HOOK1: variants seen among roughly 807,000 people sequenced by gnomAD.
HOOK1 encodes hook microtubule tethering protein 1.
In HOOK1, 60 loss-of-function variants were observed where a neutral mutation model predicts 112.8. The ratio of observed to expected loss-of-function variants is 0.53; its 90% CI spans 0.43 to 0.66. HOOK1 has a LOEUF of 0.66. Ranked by LOEUF, HOOK1 falls within the 30% of genes least tolerant of loss-of-function variation. The pLI is 0.00. For missense variants in HOOK1, 770 were observed against 856.0 expected, an observed-to-expected ratio of 0.90 and a Z score of 1.25; for synonymous variants, 294 against 283.8, an observed-to-expected ratio of 1.04 and a Z score of -0.36.
intron 18 of HOOK1, among the ~76,000 whole-genome samples, chr1:59,865,661 G>A (rs1574225017): frequency 1.3e-5 from 2 of 151,978 alleles, no homozygotes; most frequent in East Asian, 3.9e-4. Flanking sequence ...ATATTTTTAA[G>A]GGTCAAATAA....
intron 12 of HOOK1, 115 bp downstream of exon 12, chr1:59,849,298 A>T (rs1204553100): frequency 3.6e-6 from 2 of 548,710 alleles, no homozygotes; most frequent in Non-Finnish European, 6.1e-6. Flanking sequence ...TCCAGATTGA[A>T]TTTTTTGACA....
chr1:59,831,547 T>A (rs1310958373), intron 3 of HOOK1, among the ~76,000 whole-genome samples: 1 of 152,180 alleles, frequency 6.6e-6, no homozygotes, highest in Non-Finnish European at 1.5e-5. Flanking sequence ...TACACAAATC[T>A]CCAGAGCTTG....
At chr1:59,857,208 C>T (rs2098411186) in intron 12 of HOOK1, among the ~76,000 whole-genome samples, 2 of 152,192 alleles carry the variant, frequency 1.3e-5, no homozygotes, top group South Asian at 4.1e-4. Flanking sequence ...TGACAATTCT[C>T]TGTGGATGGG....
At chr1:59,866,233 A>G (rs1362532971) in intron 19 of HOOK1, among the ~76,000 whole-genome samples, 1 of 152,204 alleles carries the variant, frequency 6.6e-6, no homozygotes, top group African/African-American at 2.4e-5. Flanking sequence ...AGTGATGGCT[A>G]TAATGTATGG....
chr1:59,868,098 C>A, intron 19 of HOOK1, 152 bp from the exon 20 acceptor site: 1 of 541,286 alleles, frequency 1.8e-6, no homozygotes, highest in South Asian at 2.6e-5. Context: ...TTTTTGTTAT[C>A]CCAATTAGGA....
At chr1:59,861,453 T>C (rs1312416073) in intron 15 of HOOK1, among the ~76,000 whole-genome samples, 1 of 152,214 alleles carries the variant, frequency 6.6e-6, no homozygotes, top group South Asian at 2.1e-4. Flanking sequence ...CTGCAGATAA[T>C]GAGCTTAAAG....
At chr1:59,850,209 T>C (rs75658792) in intron 12 of HOOK1, among the ~76,000 whole-genome samples, 2,512 of 151,686 alleles carry the variant, frequency 0.017, 82 homozygotes, top group African/African-American at 0.058. Context: ...AATGTTTTAC[T>C]TAGGTTATAT....
chr1:59,843,380 A>ATTTTTT, intron 8 of HOOK1, 52 bp from the exon 9 acceptor site: 1 of 1,366,390 alleles, frequency 7.3e-7, no homozygotes. Context: ...AAGAATTTTT[A>ATTTTTT]TTTTTTTGTT....
rs1644098787 is a variant in HOOK1 at position 59,874,166 on chromosome 1, C to G, written c.*1201C>G. On this transcript the variant is annotated 3_prime_UTR_variant, in exon 22 of 22. Coordinates refer to ENST00000371208, the MANE Select transcript of HOOK1 (RefSeq NM_015888.6). ...TATAAACTCAGTCTCTTGGTTGCAC[C>G]AGCCACATTTCAGATGCTCAATAGC... 1 of 152,004 alleles carries G rather than the reference C, an allele frequency of 6.6e-6. No individual in the cohort carries two copies. The highest frequency in any genetic ancestry group is 1.5e-5 in the Non-Finnish European group (1 of 67,986). 9.4% of individuals were successfully genotyped at this position (152,004 alleles called of 1,614,324 possible).
intron 2 of HOOK1, among the ~76,000 whole-genome samples, chr1:59,823,569 T>G (rs3767999): frequency 0.056 from 8,548 of 152,280 alleles, 243 homozygotes; most frequent in African/African-American, 0.074. Context: ...TTCACTCATT[T>G]CAACAGTCCC....
Position 59,836,880 on chromosome 1 carries a change from G to A in HOOK1, c.482G>A (p.Ser161Asn). ...VVMTAIQELM[S>N]KEILSSPPND... ...ATTATTTTAATTTCCTAGTTGATGA[G>A]TAAAGAAATATTGAGCTCTCCTCCA... The change falls in exon 7 of 22, where the codon AGT (serine) becomes AAT (asparagine). Residue 161 changes from serine to asparagine, a missense_variant. Transcript: ENST00000371208. 1 of 1,568,258 alleles carries A rather than the reference G, an allele frequency of 6.4e-7. No individual in the cohort carries two copies. The highest frequency in any genetic ancestry group is 1.1e-5 in the South Asian group (1 of 87,490).
At chr1:59,833,650 G>T in intron 5 of HOOK1, 113 bp downstream of exon 5, 1 of 863,780 alleles carries the variant, frequency 1.2e-6, no homozygotes, top group South Asian at 3.8e-5. Context: ...ACCCTGAAAC[G>T]TAAACCAGAA....
intron 9 of HOOK1, among the ~76,000 whole-genome samples, chr1:59,844,135 A>T (rs2098402419): frequency 6.6e-6 from 1 of 151,964 alleles, no homozygotes; most frequent in South Asian, 2.1e-4. Context: ...TTTTGATATA[A>T]CTTCAAACTC....
chr1:59,865,992 G>C lies in HOOK1; in HGVS notation c.1845+20G>C. 2 of 1,357,872 alleles carry C rather than the reference G, an allele frequency of 1.5e-6. No homozygotes were observed. The highest frequency in any genetic ancestry group is 2.1e-6 in the Non-Finnish European group (2 of 958,140). The allele number at this position is 1,357,872 out of a possible 1,614,324, so 84.1% of individuals were successfully genotyped here. ...AGAAATGTGAGTGACTTATCTTTCG[G>C]AGCTCAAGACTTTGTGGCCTGTGTT... On this transcript the variant is annotated intron_variant, in intron 19 of 21. Coordinates refer to ENST00000371208, the MANE Select transcript of HOOK1 (RefSeq NM_015888.6).
intron 5 of HOOK1, 36 bp downstream of exon 5, chr1:59,833,573 T>C: frequency 6.7e-7 from 1 of 1,483,928 alleles, no homozygotes; most frequent in Non-Finnish European, 9.1e-7. Context: ...ATTTCTACTT[T>C]CTAGAAACTT....
At chr1:59,846,555 CT>C (rs1444042230) in intron 9 of HOOK1, among the ~76,000 whole-genome samples, 22 of 52,786 alleles carry the variant, frequency 4.2e-4, no homozygotes, top group African/African-American at 1.4e-3. Context: ...TCCTTCCTTC[CT>C]TCCTTCCTTC....
chr1:59,854,496 CTGT>C (rs933091710), intron 12 of HOOK1, among the ~76,000 whole-genome samples: 6 of 151,660 alleles, frequency 4.0e-5, no homozygotes, highest in Admixed American at 2.6e-4. Context: ...GATACATTCT[CTGT>C]TGTTTTTTTT....
intron 12 of HOOK1, among the ~76,000 whole-genome samples, chr1:59,854,027 T>G (rs1016698270): frequency 2.5e-3 from 72 of 29,298 alleles, no homozygotes; most frequent in African/African-American, 0.011. Flanking sequence ...TATATATATA[T>G]ATATATATAT....
chr1:59,835,963 C>T (rs2098397355), intron 6 of HOOK1, among the ~76,000 whole-genome samples: 1 of 151,982 alleles, frequency 6.6e-6, no homozygotes, highest in South Asian at 2.1e-4. Flanking sequence ...GGGTTGGGGA[C>T]CCTTCCTTTA....
Sources: allele counts gnomAD v4.1 joint callset (sites outside exome capture counted in the v4.1 genomes callset), GRCh38; gene constraint gnomAD v4.1.1; transcripts MANE v1.5; gene names NCBI Gene and HGNC (gene_info 2026-07-23, HGNC 2026-07-21).